The following EPHA7 variants were observed in gnomAD, a reference collection of about 807,000 sequenced individuals.
The protein encoded by EPHA7 is ephrin type-A receptor 7.
EPHA7 carries 25 observed loss-of-function variants against 112.6 expected under a neutral mutation model. The observed-to-expected ratio is 0.22, with a 90% CI of 0.16 to 0.31. The LOEUF is 0.31. Ranked by LOEUF, EPHA7 falls within the 10% of genes least tolerant of loss-of-function variation. The pLI, the probability that EPHA7 is intolerant of heterozygous loss-of-function variation, is 1.00. For missense variants in EPHA7, 962 were observed against 1,212.6 expected (o/e 0.79, Z 3.07); for synonymous variants, 437 against 406.5 (o/e 1.07, Z -0.90).
chr6:93,377,081 T>A (rs1035166963), intron 3 of EPHA7, among the ~76,000 whole-genome samples: 2 of 152,222 alleles, frequency 1.3e-5, no homozygotes, highest in African/African-American at 2.4e-5. Flanking sequence ...TCCAGTGCAA[T>A]AGTTTTCAAA....
In EPHA7 at chr6:93,247,641, G is replaced by A. The variant is rs114931976; in HGVS notation, c.2533-656C>T. Among the ~76,000 whole-genome samples the A allele has an allele frequency of 6.3e-3, 954 of 151,910 alleles. 11 individuals carry two copies. Among genetic ancestry groups the A allele is most frequent in the African/African-American group, 0.021 (879 of 41,328 alleles). On this transcript the variant is annotated intron_variant, in intron 14 of 16. Transcript: ENST00000369303. ...GGGGAAGGGTTACAGCAGGAAATAG[G>A]GAAAGGGTACAAATCAGGGCTTTCC...
intron 3 of EPHA7, among the ~76,000 whole-genome samples, chr6:93,384,016 T>C (rs79802155): frequency 0.019 from 2,872 of 152,256 alleles, 132 homozygotes; most frequent in Admixed American, 0.09. Flanking sequence ...ACATATAATA[T>C]ATAAACCTTT....
chr6:93,285,235 A>G (rs1772004376), intron 5 of EPHA7, among the ~76,000 whole-genome samples: 1 of 152,224 alleles, frequency 6.6e-6, no homozygotes, highest in Non-Finnish European at 1.5e-5. Flanking sequence ...GTTGTTTTAC[A>G]AAGCAGCATT....
At chr6:93,262,232 CA>C in intron 9 of EPHA7, among the ~76,000 whole-genome samples, 1 of 151,100 alleles carries the variant, frequency 6.6e-6, no homozygotes, top group Non-Finnish European at 1.5e-5. Context: ...TAAATAGAAA[CA>C]AAAAAAGGTA....
At chr6:93,374,920 T>A (rs1437682467) in intron 3 of EPHA7, among the ~76,000 whole-genome samples, 2 of 152,180 alleles carry the variant, frequency 1.3e-5, no homozygotes, top group African/African-American at 4.8e-5. Flanking sequence ...GTGAAGAATA[T>A]CATTTCAAAA....
At chr6:93,392,401 C>T (rs542434649) in intron 3 of EPHA7, among the ~76,000 whole-genome samples, 1 of 151,944 alleles carries the variant, frequency 6.6e-6, no homozygotes. Flanking sequence ...AATGTCAAAC[C>T]AGGTATAGGA....
intron 3 of EPHA7, among the ~76,000 whole-genome samples, chr6:93,396,837 A>T (rs1489729921): frequency 6.6e-6 from 1 of 151,818 alleles, no homozygotes; most frequent in Non-Finnish European, 1.5e-5. Context: ...AAATGGGGAA[A>T]TTAAAAATAA....
intron 3 of EPHA7, among the ~76,000 whole-genome samples, chr6:93,366,674 GT>G (rs1190305055): frequency 6.6e-6 from 1 of 152,114 alleles, no homozygotes; most frequent in East Asian, 1.9e-4. Flanking sequence ...TCTGATTCTT[GT>G]CAGAGATCCG....
chr6:93,380,139 A>G (rs1777262562), intron 3 of EPHA7, among the ~76,000 whole-genome samples: 1 of 152,018 alleles, frequency 6.6e-6, no homozygotes, highest in Non-Finnish European at 1.5e-5. Flanking sequence ...AACCCTTTCA[A>G]TCTGTAGGAG....
At chr6:93,260,626 A>G in intron 9 of EPHA7, 2 of 973,660 alleles carry the variant, frequency 2.1e-6, no homozygotes, top group Non-Finnish European at 2.4e-6. Context: ...TTAAAAGTAA[A>G]CACATAACAA....
At chr6:93,271,129 C>T (rs1282548890) in intron 6 of EPHA7, among the ~76,000 whole-genome samples, 2 of 151,690 alleles carry the variant, frequency 1.3e-5, no homozygotes, top group Non-Finnish European at 2.9e-5. Context: ...AACAATAATC[C>T]CCTCTAAAAC....
chr6:93,357,014 T>A lies in EPHA7; in HGVS notation c.1027A>T (p.Asn343Tyr). The change falls in exon 5 of 17, where the codon AAC (asparagine) becomes TAC (tyrosine). Residue 343 changes from asparagine to tyrosine, a missense_variant. Asn to Tyr is a moderately radical substitution (Grantham distance 143). Around this residue, in one of 3 missense-constraint regions of EPHA7, gnomAD observed 746 missense variants for 889.2 expected, o/e 0.84. Coordinates refer to ENST00000369303, the MANE Select transcript of EPHA7 (RefSeq NM_004440.4). ...CATTCCAAACTTACTGTGGTTTGGT[T>A]GATGTTGAAAATGAGGTTCTGTGGT... is the stretch of plus-strand genomic sequence containing the variant. Reference protein sequence around the residue: ...SAPQNLIFNINQTTVSLEWSP... With the variant: ...SAPQNLIFNIYQTTVSLEWSP... 6.2e-7 allele frequency: 1 copy of A among 1,613,634 alleles called. No individual in the cohort carries two copies. Among genetic ancestry groups the A allele is most frequent in the Non-Finnish European group, 8.5e-7 (1 of 1,179,876 alleles).
intron 5 of EPHA7, among the ~76,000 whole-genome samples, chr6:93,296,542 A>ACCACATAG (rs1772680916): frequency 6.6e-6 from 1 of 150,602 alleles, no homozygotes; most frequent in Admixed American, 6.6e-5. Context: ...GCCATTTGCC[A>ACCACATAG]CCACATAGAT....
intron 3 of EPHA7, among the ~76,000 whole-genome samples, chr6:93,401,040 A>T (rs757454519): frequency 3.0e-4 from 46 of 152,064 alleles, no homozygotes; most frequent in Non-Finnish European, 3.5e-4. Flanking sequence ...TAATGGGTTC[A>T]GGGTAAGTCT....
rs557053602 is a variant in EPHA7, at chr6:93,249,040, T to G, written c.2533-2055A>C. Reference sequence around the variant, plus strand: ...AGGTGTTTCTTTAAGTATTTTATTTTGAACAACAATTATGGAGAAAACACC... The same window carrying G: ...AGGTGTTTCTTTAAGTATTTTATTTGGAACAACAATTATGGAGAAAACACC... On this transcript the variant is annotated intron_variant, in intron 14 of 16. Transcript: ENST00000369303. 3.9e-5 allele frequency among the ~76,000 whole-genome samples: 6 copies of G among 152,326 alleles called. No individual in the cohort carries two copies. The South Asian group carries it at 8.3e-4, about 21-fold the overall frequency.
chr6:93,384,018 T>A (rs76168552), intron 3 of EPHA7, among the ~76,000 whole-genome samples: 1 of 152,008 alleles, frequency 6.6e-6, no homozygotes, highest in Admixed American at 6.6e-5. Flanking sequence ...ATATAATATA[T>A]AAACCTTTTA....
intron 5 of EPHA7, among the ~76,000 whole-genome samples, chr6:93,301,410 A>G (rs1772970953): frequency 6.6e-6 from 1 of 152,222 alleles, no homozygotes; most frequent in African/African-American, 2.4e-5. Flanking sequence ...AGAAATTTAA[A>G]ATATATTTTC....
At chr6:93,284,423 G>GA (rs1268806714) in intron 5 of EPHA7, among the ~76,000 whole-genome samples, 1 of 151,896 alleles carries the variant, frequency 6.6e-6, no homozygotes, top group African/African-American at 2.4e-5. Context: ...AAAGAAAGGA[G>GA]AAAGAAAAGA....
At chr6:93,284,562 C>T (rs1771962400) in intron 5 of EPHA7, among the ~76,000 whole-genome samples, 1 of 151,996 alleles carries the variant, frequency 6.6e-6, no homozygotes, top group East Asian at 1.9e-4. Context: ...GTGGCACTGT[C>T]CACAGTAGCA....
Sources: gnomAD v4.1 joint callset for allele counts (sites outside exome capture counted in the v4.1 genomes callset) on GRCh38, gnomAD v4.1.1 for gene constraint, gnomAD v4.1.1 regional missense constraint, MANE v1.5 for transcripts, NCBI Gene and HGNC (gene_info 2026-07-23, HGNC 2026-07-21) for gene names.